The following KCNH2 variants were observed in gnomAD, a reference collection of about 807,000 sequenced individuals.
KCNH2 encodes voltage-gated inwardly rectifying potassium channel KCNH2.
A neutral mutation model predicts 95.9 loss-of-function variants in KCNH2; 35 were observed. That is an observed-to-expected ratio of 0.37 (90% CI 0.28 to 0.48). The LOEUF is 0.48. KCNH2 is among the 20% of genes least tolerant of loss of function. KCNH2 has a pLI of 0.99. For missense variants in KCNH2, 1,274 were observed against 1,702.9 expected, an observed-to-expected ratio of 0.75 and a Z score of 4.43; for synonymous variants, 786 against 754.7, an observed-to-expected ratio of 1.04 and a Z score of -0.68.
intron 2 of KCNH2, among the ~76,000 whole-genome samples, chr7:150,969,989 C>T (rs1464978635): frequency 6.6e-6 from 1 of 152,178 alleles, no homozygotes; most frequent in Non-Finnish European, 1.5e-5. Flanking sequence ...CTGACCCTGA[C>T]TCCCATGGCC....
At chr7:150,970,010 C>T (rs1038017505) in intron 2 of KCNH2, among the ~76,000 whole-genome samples, 2 of 151,866 alleles carry the variant, frequency 1.3e-5, no homozygotes, top group Non-Finnish European at 2.9e-5. Context: ...CTCCTGCCCA[C>T]GTCGGGAGGG....
At position 150,946,886 on chromosome 7, in the gene KCNH2, C is replaced by CTG; in HGVS notation, c.3320_3321insCA (p.Leu1108SerfsTer148). 1 of 1,596,384 alleles carries CTG rather than the reference C, an allele frequency of 6.3e-7. No homozygotes were observed. The highest frequency in any genetic ancestry group is 8.6e-7 in the Non-Finnish European group (1 of 1,168,458). ...CAGGGCTGGAGCTTACCTGAGAAAG[C>CTG]GAGTCCAAGGTGAGGGTGGGGAGGG... On this transcript the variant is annotated frameshift_variant, in exon 14 of 15. Transcript: ENST00000262186. LOFTEE classifies it high-confidence loss of function. This position sits in a 1 kb window ranked among gnomAD's most constrained non-coding sequence, Gnocchi z 6.5.
At chr7:150,976,167 C>T (rs1801975160) in intron 1 of KCNH2, among the ~76,000 whole-genome samples, 1 of 152,198 alleles carries the variant, frequency 6.6e-6, no homozygotes, top group African/African-American at 2.4e-5. Context: ...CCTCCCTTCC[C>T]CTCCCCTCCC....
chr7:150,947,944 G>A (rs920319145), intron 11 of KCNH2, 66 bp from the exon 12 acceptor site: 1 of 1,476,414 alleles, frequency 6.8e-7, no homozygotes, highest in African/African-American at 1.4e-5. Flanking sequence ...CGAGGGTGGA[G>A]GAGGGGACAG....
At chr7:150,967,676 C>T (rs1801741412) in intron 2 of KCNH2, among the ~76,000 whole-genome samples, 1 of 152,170 alleles carries the variant, frequency 6.6e-6, no homozygotes, top group South Asian at 2.1e-4. Context: ...AACAGCAAAA[C>T]AATTAAGAGA....
Position 150,961,494 on chromosome 7 carries a change from T to TCA in KCNH2, c.308-1759_308-1758insTG, listed in dbSNP as rs1363714151. On this transcript the variant is annotated intron_variant, in intron 2 of 14. Coordinates refer to ENST00000262186, the MANE Select transcript of KCNH2 (RefSeq NM_000238.4). The surrounding 1 kb of genome is among the most constrained non-coding windows in gnomAD (Gnocchi z 6.2). Reference sequence around the variant, plus strand: ...TGTATATTTTGATAGAGACAGGGTTTTCACTGTGTTGGCCAGGCTGGTCTC... The same window carrying TCA: ...TGTATATTTTGATAGAGACAGGGTTTCATCACTGTGTTGGCCAGGCTGGTCTC... Among the ~76,000 whole-genome samples the TCA allele has an allele frequency of 6.6e-6, 1 of 152,082 alleles. No homozygotes were observed. Among genetic ancestry groups the TCA allele is most frequent in the African/African-American group, 2.4e-5 (1 of 41,392 alleles).
At position 150,952,366 on chromosome 7, in the gene KCNH2, T is replaced by A; in HGVS notation, c.1557+59A>T. The A allele has an allele frequency of 6.6e-7, 1 of 1,523,482 alleles. No individual in the cohort carries two copies. Among genetic ancestry groups the A allele is most frequent in the Non-Finnish European group, 9.0e-7 (1 of 1,109,508 alleles). 94.4% of individuals were successfully genotyped at this position (1,523,482 alleles called of 1,614,324 possible). On this transcript the variant is annotated intron_variant, in intron 6 of 14. Transcript: ENST00000262186. The surrounding 1 kb of genome is among the most constrained non-coding windows in gnomAD (Gnocchi z 7.3). ...TCGCCACCCCCTCCACCCCACTACC[T>A]CCCACCACATTCCTGGCCTCTCCTC...
In KCNH2 at chr7:150,950,158, C is replaced by T. The variant is rs750281789; in HGVS notation, c.2398+10G>A. On this transcript the variant is annotated intron_variant, in intron 9 of 14. Transcript: ENST00000262186. ...CATTTCCAGTCCAGTGCCCGCCCCC[C>T]ACCCCATACCCAGGATGGCCACGAC... The T allele has an allele frequency of 1.2e-6, 1 of 807,260 alleles. No homozygotes were observed. Among genetic ancestry groups the T allele is most frequent in the South Asian group, 1.3e-5 (1 of 75,046 alleles). The allele number at this position is 807,260 out of a possible 1,614,324, so 50.0% of individuals were successfully genotyped here.
chr7:150,947,847 C>G lies in KCNH2; in HGVS notation c.2724G>C (p.Leu908Phe). ...DTEQPGEVSA[L>F]GPGRAGAGPS... is the part of the protein sequence containing the mutation. The stretch of plus-strand genomic sequence containing the variant: ...GCCCTGCCCCCGCCCGGCCCGGCCC[C>G]AAGGCCGACACCTCCCCTGGCTGCT... The change falls in exon 12 of 15, where the codon TTG becomes TTC. Residue 908 changes from leucine to phenylalanine, a missense_variant. Coordinates refer to ENST00000262186, the MANE Select transcript of KCNH2 (RefSeq NM_000238.4). The G allele has an allele frequency of 2.0e-6, 3 of 1,527,588 alleles. No individual in the cohort carries two copies. The highest frequency in any genetic ancestry group is 1.7e-6 in the Non-Finnish European group (2 of 1,143,174). 94.6% of individuals were successfully genotyped at this position (1,527,588 alleles called of 1,614,324 possible). A position where few individuals can be genotyped will look rare whatever the true frequency, so the allele number is the denominator to read the frequency against.
intron 11 of KCNH2, 28 bp downstream of exon 11, chr7:150,948,416 T>TTCCCCCCCCCCCC: frequency 2.5e-6 from 1 of 402,880 alleles, no homozygotes; most frequent in Admixed American, 3.4e-5. Context: ...GTCCCCGCCC[T>TTCCCCCCCCCCCC]CCCCCTTCCT....
At chr7:150,957,129 G>A (rs918638345) in intron 5 of KCNH2, among the ~76,000 whole-genome samples, 162 bp downstream of exon 5, 3 of 151,528 alleles carry the variant, frequency 2.0e-5, no homozygotes, top group Admixed American at 1.3e-4. Flanking sequence ...TCCCCCCATC[G>A]CAGCTCTGGA....
At chr7:150,955,769 C>T (rs1199346497) in intron 5 of KCNH2, 2 of 1,223,532 alleles carry the variant, frequency 1.6e-6, no homozygotes, top group Non-Finnish European at 1.0e-6. Flanking sequence ...GGGTGCCGTG[C>T]TCTGCCCGCC....
chr7:150,955,647 C>G, intron 5 of KCNH2: 3 of 1,415,046 alleles, frequency 2.1e-6, no homozygotes, highest in Non-Finnish European at 2.8e-6. Flanking sequence ...TGGCATGAAG[C>G]CAGGGTGGTT....
intron 1 of KCNH2, among the ~76,000 whole-genome samples, chr7:150,976,465 A>G (rs1461052759): frequency 2.6e-5 from 4 of 152,148 alleles, no homozygotes; most frequent in African/African-American, 4.8e-5. Context: ...CCACAGTCCA[A>G]GGCAGTCCAG....
In KCNH2 at chr7:150,946,242, C is replaced by T. The variant is rs1457403510; in HGVS notation, c.3330+635G>A. Among the ~76,000 whole-genome samples the T allele has an allele frequency of 6.6e-6, 1 of 152,136 alleles. No individual in the cohort carries two copies. Among genetic ancestry groups the T allele is most frequent in the African/African-American group, 2.4e-5 (1 of 41,424 alleles). On this transcript the variant is annotated intron_variant, in intron 14 of 14. Coordinates refer to ENST00000262186, the MANE Select transcript of KCNH2 (RefSeq NM_000238.4). The surrounding 1 kb of genome is among the most constrained non-coding windows in gnomAD (Gnocchi z 6.5). ...CCATCCTGCAGAGGCCAGGAACATG[C>T]AGGTCCACCCAGGAGAGGACAAGGG...
intron 9 of KCNH2, 181 bp downstream of exon 9, chr7:150,949,987 C>A: frequency 6.4e-7 from 1 of 1,552,296 alleles, no homozygotes; most frequent in Non-Finnish European, 8.7e-7. Flanking sequence ...AGCCTCACCC[C>A]ACGTGGGGCT....
intron 3 of KCNH2, 71 bp downstream of exon 3, chr7:150,959,501 T>A (rs999572819): frequency 6.4e-7 from 1 of 1,574,232 alleles, no homozygotes; most frequent in East Asian, 2.2e-5. Flanking sequence ...AGCGTTGACC[T>A]TGGACAGCTC....
rs561546496 is a variant in KCNH2 at position 150,946,231 on chromosome 7, C to T, written c.3330+646G>A. On this transcript the variant is annotated intron_variant, in intron 14 of 14. Transcript: ENST00000262186. This position sits in a 1 kb window ranked among gnomAD's most constrained non-coding sequence, Gnocchi z 6.5. The stretch of plus-strand genomic sequence containing the variant: ...CACAGACACCGCCATCCTGCAGAGG[C>T]CAGGAACATGCAGGTCCACCCAGGA... Among the ~76,000 whole-genome samples, 1 of 151,286 alleles carries T rather than the reference C, an allele frequency of 6.6e-6. No individual in the cohort carries two copies. The highest frequency in any genetic ancestry group is 6.6e-5 in the Admixed American group (1 of 15,206).
At chr7:150,969,662 TC>T (rs1801789846) in intron 2 of KCNH2, among the ~76,000 whole-genome samples, 1 of 152,228 alleles carries the variant, frequency 6.6e-6, no homozygotes, top group Non-Finnish European at 1.5e-5. Flanking sequence ...TGCCGAGCTC[TC>T]GCTGTGCACT....
Sources: allele counts gnomAD v4.1 joint callset (sites outside exome capture counted in the v4.1 genomes callset), GRCh38; gene constraint gnomAD v4.1.1; non-coding constraint Gnocchi (gnomAD v3.1); transcripts MANE v1.5; gene names NCBI Gene and HGNC (gene_info 2026-07-23, HGNC 2026-07-21).